The following STARD13 variants were observed in gnomAD, a reference collection of about 807,000 sequenced individuals.
STARD13 encodes the protein StAR related lipid transfer domain containing 13, also known as stAR-related lipid transfer protein 13.
In STARD13, 62 loss-of-function variants were observed where a neutral mutation model predicts 106.4. The observed-to-expected ratio is 0.58, with a 90% CI of 0.48 to 0.72. STARD13 has a LOEUF of 0.72. Among genes scored for constraint, STARD13 ranks in the 30% least tolerant of loss-of-function variants. The probability of loss-of-function intolerance (pLI) is 0.00; values close to 1 mark genes in which losing one functional copy is unlikely to be tolerated. For synonymous variants in STARD13, 565 were observed against 553.0 expected (o/e 1.02, Z -0.31); for missense variants, 1,387 against 1,424.0 (o/e 0.97, Z 0.42).
At chr13:33,187,306 A>G (rs924388467) in intron 1 of STARD13, among the ~76,000 whole-genome samples, 1 of 152,148 alleles carries the variant, frequency 6.6e-6, no homozygotes, top group African/African-American at 2.4e-5. Context: ...TTTTTTTGAG[A>G]TAATCATTGC....
the STARD13 span, among the ~76,000 whole-genome samples, chr13:33,528,394 G>A: frequency 5.3e-5 from 8 of 150,052 alleles, no homozygotes; most frequent in African/African-American, 1.5e-4. Context: ...TTCAGTCTCC[G>A]ATGTAGCTGA....
At chr13:33,659,666 C>T in the STARD13 span, 130,295 of 151,492 alleles carry the variant, frequency 0.86, 56,845 homozygotes, top group South Asian at 0.96. Context: ...AATGCTTGCT[C>T]GCTTGCTTGC....
the STARD13 span, among the ~76,000 whole-genome samples, chr13:33,500,561 A>C: frequency 1.3e-5 from 2 of 152,216 alleles, no homozygotes; most frequent in Admixed American, 1.3e-4. Context: ...TGTTCAATGA[A>C]AAATTTTTCT....
chr13:33,408,867 C>T, the STARD13 span, among the ~76,000 whole-genome samples: 3 of 152,062 alleles, frequency 2.0e-5, no homozygotes, highest in African/African-American at 7.2e-5. Context: ...TTTGAATGTT[C>T]TCTTTCCCGA....
chr13:33,646,546 G>A, the STARD13 span, among the ~76,000 whole-genome samples: 1 of 152,188 alleles, frequency 6.6e-6, no homozygotes, highest in Non-Finnish European at 1.5e-5. Context: ...GAAAAGTCAG[G>A]CATGGTGTCT....
chr13:33,485,674 A>G, the STARD13 span, among the ~76,000 whole-genome samples: 1 of 152,184 alleles, frequency 6.6e-6, no homozygotes, highest in Non-Finnish European at 1.5e-5. Flanking sequence ...GAGGTAATAG[A>G]TATGCTATAC....
At chr13:33,465,467 G>T in the STARD13 span, among the ~76,000 whole-genome samples, 4 of 152,242 alleles carry the variant, frequency 2.6e-5, no homozygotes, top group South Asian at 6.2e-4. Context: ...CTCCCAAAGT[G>T]CTGGGATTCC....
intron 8 of STARD13, chr13:33,113,308 C>T: frequency 2.7e-6 from 1 of 368,736 alleles, no homozygotes; most frequent in South Asian, 2.1e-5. Flanking sequence ...CCCTCTTGCC[C>T]ATCCTCCCTG....
At chr13:33,621,796 C>G in the STARD13 span, among the ~76,000 whole-genome samples, 3 of 151,142 alleles carry the variant, frequency 2.0e-5, no homozygotes, top group Admixed American at 6.6e-5. Flanking sequence ...GATGGTTGCA[C>G]TTGCAATTTT....
chr13:33,623,721 T>C, the STARD13 span, among the ~76,000 whole-genome samples: 1 of 152,142 alleles, frequency 6.6e-6, no homozygotes, highest in Non-Finnish European at 1.5e-5. Context: ...ATATTTAATT[T>C]ACATCTACGT....
the STARD13 span, among the ~76,000 whole-genome samples, chr13:33,561,488 T>G: frequency 6.6e-6 from 1 of 151,598 alleles, no homozygotes; most frequent in Admixed American, 6.6e-5. Context: ...TCATTTCCTC[T>G]ATTGCATTTC....
At chr13:33,349,072 T>C in exon 2 of STARD13, 1 of 700,662 alleles carries the variant, frequency 1.4e-6, no homozygotes, top group African/African-American at 1.7e-5. Context: ...ACAGTTCAAG[T>C]AAGGAAAAAA....
chr13:33,671,722 C>T, the STARD13 span, among the ~76,000 whole-genome samples: 1 of 151,718 alleles, frequency 6.6e-6, no homozygotes, highest in Non-Finnish European at 1.5e-5. Flanking sequence ...AGAGCAAGAC[C>T]CTGTCTCTAA....
the STARD13 span, among the ~76,000 whole-genome samples, chr13:33,537,543 T>C: frequency 0.012 from 1,772 of 152,322 alleles, 33 homozygotes; most frequent in East Asian, 0.052. Context: ...TGAGGGGTCT[T>C]GGATTAAGTC....
chr13:33,371,172 T>G, the STARD13 span, among the ~76,000 whole-genome samples: 1 of 152,328 alleles, frequency 6.6e-6, no homozygotes, highest in East Asian at 1.9e-4. Context: ...AAGTCTTGTC[T>G]ACTCTCACCC....
chr13:33,581,850 A>T, the STARD13 span, among the ~76,000 whole-genome samples: 1 of 152,198 alleles, frequency 6.6e-6, no homozygotes, highest in Admixed American at 6.5e-5. Flanking sequence ...AAGGAAGGTT[A>T]CTACATTTAT....
At chr13:33,385,864 C>CA in the STARD13 span, among the ~76,000 whole-genome samples, 4,250 of 123,936 alleles carry the variant, frequency 0.034, 53 homozygotes, top group Middle Eastern at 0.054. Context: ...AAAAAAAAAA[C>CA]AAAAAAAAAA....
chr13:33,481,354 A>G, the STARD13 span, among the ~76,000 whole-genome samples: 29 of 152,228 alleles, frequency 1.9e-4, no homozygotes, highest in African/African-American at 6.8e-4. Context: ...ACATCACAAA[A>G]AAGAAATAAC....
At chr13:33,313,948 T>A (rs147670049) in intron 1 of STARD13, among the ~76,000 whole-genome samples, 136 of 152,310 alleles carry the variant, frequency 8.9e-4, no homozygotes, top group Non-Finnish European at 1.5e-3. Flanking sequence ...AATCTCCATC[T>A]TTTCTATAAT....
Sources: gnomAD v4.1 joint callset for allele counts (sites outside exome capture counted in the v4.1 genomes callset) on GRCh38, gnomAD v4.1.1 for gene constraint, MANE v1.5 for transcripts, NCBI Gene and HGNC (gene_info 2026-07-23, HGNC 2026-07-21) for gene names.